ELOVL6: variants seen among roughly 807,000 people sequenced by gnomAD.
The protein encoded by ELOVL6 is very long chain fatty acid elongase 6.
In ELOVL6, 8 loss-of-function variants were observed where a neutral mutation model predicts 31.7. The observed-to-expected ratio is 0.25, with a 90% confidence interval of 0.15 to 0.45. The LOEUF (loss-of-function observed/expected upper bound fraction) is 0.45. ELOVL6 is among the 20% of genes least tolerant of loss of function. The pLI is 1.00. For synonymous variants in ELOVL6, 101 were observed against 117.7 expected (o/e 0.86, Z 0.92); for missense variants, 126 against 326.4 (o/e 0.39, Z 4.73).
At chr4:110,098,064 C>T (rs1358175350) in intron 2 of ELOVL6, among the ~76,000 whole-genome samples, 1 of 152,152 alleles carries the variant, frequency 6.6e-6, no homozygotes, top group South Asian at 2.1e-4. Context: ...AATATCTGAC[C>T]TGCATCGTAT....
chr4:110,169,078 C>T (rs867454717), intron 1 of ELOVL6, among the ~76,000 whole-genome samples: 3 of 152,184 alleles, frequency 2.0e-5, no homozygotes, highest in Middle Eastern at 3.4e-3. Context: ...TCTCCCATCT[C>T]AGCCTCCCAA....
intron 1 of ELOVL6, among the ~76,000 whole-genome samples, chr4:110,155,591 G>A (rs1413560029): frequency 6.6e-6 from 1 of 151,934 alleles, no homozygotes; most frequent in Non-Finnish European, 1.5e-5. Context: ...CTAACACAAT[G>A]CCATTCTTTC....
intron 3 of ELOVL6, 22 bp downstream of exon 3, chr4:110,059,581 G>A (rs1454650696): frequency 1.0e-5 from 16 of 1,604,678 alleles, no homozygotes; most frequent in African/African-American, 1.3e-5. Context: ...GAGAGGGAGA[G>A]GAAATGGAAG....
chr4:110,092,843 C>A (rs1177253431), intron 2 of ELOVL6, among the ~76,000 whole-genome samples: 3 of 152,038 alleles, frequency 2.0e-5, no homozygotes, highest in Admixed American at 2.0e-4. Flanking sequence ...CAAACCCTGC[C>A]AAACAAGGAT....
chr4:110,175,203 C>T (rs933179243), intron 1 of ELOVL6, among the ~76,000 whole-genome samples: 6 of 151,914 alleles, frequency 3.9e-5, no homozygotes, highest in East Asian at 1.9e-4. Context: ...GCCAACACGG[C>T]GAAACACTGT....
intron 1 of ELOVL6, chr4:110,117,903 A>AAAAATATAT: frequency 1.5e-4 from 1 of 6,500 alleles, no homozygotes; most frequent in African/African-American, 3.3e-4. Flanking sequence ...AAAAAAAAAA[A>AAAAATATAT]ATATATATAT....
chr4:110,100,858 G>A (rs1438084991), intron 2 of ELOVL6, among the ~76,000 whole-genome samples: 5 of 152,136 alleles, frequency 3.3e-5, no homozygotes, highest in East Asian at 1.9e-4. Context: ...ACTATCTCCT[G>A]AGCAAAGAAT....
At chr4:110,165,984 G>T (rs1420866488) in intron 1 of ELOVL6, among the ~76,000 whole-genome samples, 1 of 152,124 alleles carries the variant, frequency 6.6e-6, no homozygotes, top group Non-Finnish European at 1.5e-5. Flanking sequence ...CCACGATCCT[G>T]CTTTCAATAC....
intron 1 of ELOVL6, among the ~76,000 whole-genome samples, chr4:110,168,473 C>T (rs1758844910): frequency 6.6e-6 from 1 of 151,538 alleles, no homozygotes; most frequent in South Asian, 2.1e-4. Flanking sequence ...GAGCCAAGAT[C>T]GTGCCATTGT....
At chr4:110,110,727 A>C (rs1209837932) in intron 1 of ELOVL6, among the ~76,000 whole-genome samples, 1 of 152,138 alleles carries the variant, frequency 6.6e-6, no homozygotes, top group South Asian at 2.1e-4. Flanking sequence ...AATTAACCAT[A>C]TGCCCAGAAA....
chr4:110,175,169 A>G (rs1244756343), intron 1 of ELOVL6, among the ~76,000 whole-genome samples: 1 of 152,146 alleles, frequency 6.6e-6, no homozygotes, highest in Non-Finnish European at 1.5e-5. Context: ...AGATCACTTG[A>G]GGCTAGGAGT....
At chr4:110,087,019 G>C (rs977701849) in intron 2 of ELOVL6, among the ~76,000 whole-genome samples, 2 of 152,096 alleles carry the variant, frequency 1.3e-5, no homozygotes, top group Non-Finnish European at 2.9e-5. Context: ...GGGTTGTTAG[G>C]TTTGGAAATT....
chr4:110,155,976 T>C (rs181156160), intron 1 of ELOVL6, among the ~76,000 whole-genome samples: 4 of 152,352 alleles, frequency 2.6e-5, no homozygotes, highest in African/African-American at 4.8e-5. Context: ...CACACAGGCA[T>C]TTGAAAAAGA....
intron 1 of ELOVL6, chr4:110,146,266 G>A (rs1366448493): frequency 1.3e-5 from 2 of 152,152 alleles, no homozygotes; most frequent in South Asian, 2.1e-4. Flanking sequence ...AAATGGTGCT[G>A]GGAAAATTGG....
intron 2 of ELOVL6, among the ~76,000 whole-genome samples, chr4:110,084,094 A>ATATATGC (rs1560813918): frequency 8.5e-5 from 7 of 82,668 alleles, no homozygotes; most frequent in Non-Finnish European, 1.2e-4. Flanking sequence ...GATATATAAC[A>ATATATGC]TATATATGAT....
chr4:110,186,818 A>ATATAT (rs1281972762), intron 1 of ELOVL6, among the ~76,000 whole-genome samples: 332 of 101,014 alleles, frequency 3.3e-3, no homozygotes, highest in African/African-American at 0.011. Context: ...AAAAAAAAAA[A>ATATAT]AAAAATATAT....
At chr4:110,147,255 A>C (rs1400455673) in intron 1 of ELOVL6, 2 of 161,038 alleles carry the variant, frequency 1.2e-5, no homozygotes, top group African/African-American at 5.0e-5. Context: ...TTAATTCAGC[A>C]AAAAAATAAA....
At chr4:110,073,912 A>G (rs1057043784) in intron 2 of ELOVL6, among the ~76,000 whole-genome samples, 1 of 152,198 alleles carries the variant, frequency 6.6e-6, no homozygotes, top group Non-Finnish European at 1.5e-5. Context: ...TGGCCCTTCC[A>G]AACTTTAGGT....
intron 3 of ELOVL6, among the ~76,000 whole-genome samples, chr4:110,055,553 T>C (rs137864465): frequency 1.9e-3 from 285 of 152,292 alleles, no homozygotes; most frequent in Middle Eastern, 0.01. Context: ...GTGTCCCTTC[T>C]TAACTACACC....
Sources: gnomAD v4.1 joint callset for allele counts (sites outside exome capture counted in the v4.1 genomes callset) on GRCh38, gnomAD v4.1.1 for gene constraint, MANE v1.5 for transcripts, NCBI Gene and HGNC (gene_info 2026-07-23, HGNC 2026-07-21) for gene names.